The following NKD1 variants were observed in gnomAD, a reference collection of about 807,000 sequenced individuals.
NKD1 encodes NKD inhibitor of Wnt signaling pathway 1.
NKD1 carries 21 observed loss-of-function variants against 56.0 expected under a neutral mutation model. The observed-to-expected ratio is 0.38, with a 90% CI of 0.27 to 0.54. NKD1 has a LOEUF of 0.54. NKD1 is among the 20% of genes least tolerant of loss of function. The pLI is 0.82. For missense variants in NKD1, 578 were observed against 642.7 expected (o/e 0.90, Z 1.09); for synonymous variants, 263 against 265.7 (o/e 0.99, Z 0.10).
At chr16:50,600,054 C>A (rs1429187001) in intron 3 of NKD1, among the ~76,000 whole-genome samples, 1 of 152,092 alleles carries the variant, frequency 6.6e-6, no homozygotes, top group Non-Finnish European at 1.5e-5. Flanking sequence ...CCACCGTCTT[C>A]CTACTTATTG....
chr16:50,552,363 C>T (rs899797518), intron 3 of NKD1: 19 of 152,348 alleles, frequency 1.2e-4, no homozygotes, highest in African/African-American at 4.1e-4. Flanking sequence ...CCAGGGCATC[C>T]GCCTGGAGGG....
chr16:50,578,271 A>G (rs942630929), intron 3 of NKD1, among the ~76,000 whole-genome samples: 2 of 152,170 alleles, frequency 1.3e-5, no homozygotes, highest in African/African-American at 4.8e-5. Flanking sequence ...CTCATGTTCG[A>G]TTAGTGAGAA....
At chr16:50,572,879 C>T in intron 3 of NKD1, 1 of 984,880 alleles carries the variant, frequency 1.0e-6, no homozygotes, top group South Asian at 4.7e-5. Context: ...CCAACAGGAT[C>T]ATGAGGTCGG....
intron 6 of NKD1, among the ~76,000 whole-genome samples, chr16:50,628,087 G>A (rs1962263373): frequency 6.6e-6 from 1 of 152,146 alleles, no homozygotes; most frequent in Non-Finnish European, 1.5e-5. Context: ...GCTAGGGAGT[G>A]CCTGGAGCCT....
intron 3 of NKD1, among the ~76,000 whole-genome samples, chr16:50,587,910 G>A (rs867662357): frequency 6.6e-6 from 1 of 152,214 alleles, no homozygotes; most frequent in African/African-American, 2.4e-5. Context: ...TCTATCAAAT[G>A]CCTCATGATC....
rs1171391630 is a variant in NKD1, at chr16:50,598,913, T to C, written c.193-9381T>C. Among the ~76,000 whole-genome samples the C allele has an allele frequency of 7.0e-6, 1 of 143,778 alleles. No homozygotes were observed. The allele number at this position is 143,778 out of a possible 152,430, so 94.3% of individuals were successfully genotyped here. A position where few individuals can be genotyped will look rare whatever the true frequency, so the allele number is the denominator to read the frequency against. ...TGGTGTGGTGGGGTCAGTGGTGTGG[T>C]GGGCAGTGGTGGGGCAGGATCAGTG... On this transcript the variant is annotated intron_variant, in intron 3 of 9. Transcript: ENST00000268459. The surrounding 1 kb of genome is among the most constrained non-coding windows in gnomAD (Gnocchi z 4.2).
At chr16:50,601,661 AG>A (rs1157085870) in intron 3 of NKD1, among the ~76,000 whole-genome samples, 1 of 152,108 alleles carries the variant, frequency 6.6e-6, no homozygotes, top group Non-Finnish European at 1.5e-5. Flanking sequence ...CTCCCGAGGG[AG>A]GGGTCCCAGG....
In NKD1 at chr16:50,642,255, A is replaced by G. The variant is rs1962593497; in HGVS notation, c.*8474A>G. The G allele has an allele frequency of 6.6e-6, 1 of 152,202 alleles. No individual in the cohort carries two copies. The highest frequency in any genetic ancestry group is 1.5e-5 in the Non-Finnish European group (1 of 68,062). The allele number at this position is 152,202 out of a possible 1,614,324, so 9.4% of individuals were successfully genotyped here. On this transcript the variant is annotated 3_prime_UTR_variant, in exon 10 of 10. Coordinates refer to ENST00000268459, the MANE Select transcript of NKD1 (RefSeq NM_033119.5). The stretch of plus-strand genomic sequence containing the variant: ...GGCCAGGCTCTGTCTGTGGATTCCC[A>G]CTTCTCTGGGCTGCATCTCACTGTT...
intron 3 of NKD1, among the ~76,000 whole-genome samples, chr16:50,580,827 C>A (rs990746498): frequency 6.6e-6 from 1 of 152,188 alleles, no homozygotes; most frequent in East Asian, 1.9e-4. Context: ...TCCCCCAGAG[C>A]CCCTGCAGTG....
chr16:50,591,215 T>C (rs1034159293), intron 3 of NKD1, among the ~76,000 whole-genome samples: 2 of 152,182 alleles, frequency 1.3e-5, no homozygotes, highest in South Asian at 2.1e-4. Context: ...TGGTGTTCCA[T>C]GCAGGTAGAT....
At chr16:50,627,639 C>T (rs1268928465) in intron 6 of NKD1, among the ~76,000 whole-genome samples, 1 of 152,252 alleles carries the variant, frequency 6.6e-6, no homozygotes, top group East Asian at 1.9e-4. Flanking sequence ...ACGGCATCTG[C>T]AGCCCAGAGC....
In NKD1 at chr16:50,608,168, T is replaced by A. The variant is rs891488351; in HGVS notation, c.193-126T>A. 9.1e-5 allele frequency: 69 copies of A among 757,002 alleles called. No individual in the cohort carries two copies. In the African/African-American group the frequency reaches 9.9e-4, roughly 11 times the overall value. The allele number at this position is 757,002 out of a possible 1,614,324, so 46.9% of individuals were successfully genotyped here. On this transcript the variant is annotated intron_variant, in intron 3 of 9. Transcript: ENST00000268459. ...ACTTAACTTTTCAGGTGCAATAGGA[T>A]CTGCCTCAGTTGACCTGAATTCCAA... is the stretch of plus-strand genomic sequence containing the variant.
chr16:50,578,331 C>T (rs893461856), intron 3 of NKD1, among the ~76,000 whole-genome samples: 1 of 152,136 alleles, frequency 6.6e-6, no homozygotes, highest in African/African-American at 2.4e-5. Flanking sequence ...AAATGTAGTC[C>T]CATCTGGGCA....
intron 3 of NKD1, among the ~76,000 whole-genome samples, chr16:50,571,847 T>C (rs12444953): frequency 0.019 from 2,848 of 152,234 alleles, 139 homozygotes; most frequent in East Asian, 0.18. Context: ...TACTGCGGCT[T>C]CCCACAGTCC....
chr16:50,610,809 A>C (rs1227909013), intron 4 of NKD1, among the ~76,000 whole-genome samples: 1 of 152,142 alleles, frequency 6.6e-6, no homozygotes, highest in African/African-American at 2.4e-5. Flanking sequence ...GAGGGATGGG[A>C]GATTAAGGCT....
chr16:50,622,824 T>A (rs1267522873), intron 5 of NKD1, among the ~76,000 whole-genome samples: 1 of 150,372 alleles, frequency 6.7e-6, no homozygotes, highest in African/African-American at 2.4e-5. Flanking sequence ...GAGTGCACAG[T>A]GTGACCAGGG....
chr16:50,601,425 G>GAC (rs1207359851), intron 3 of NKD1, among the ~76,000 whole-genome samples: 1 of 152,250 alleles, frequency 6.6e-6, no homozygotes, highest in African/African-American at 2.4e-5. Context: ...TCACCGAACA[G>GAC]ACACTTTTTC....
At chr16:50,570,951 C>T (rs1567337079) in intron 3 of NKD1, 4 of 985,326 alleles carry the variant, frequency 4.1e-6, no homozygotes, top group Non-Finnish European at 4.8e-6. Flanking sequence ...AGGGAGGCTT[C>T]TGCACTGAGG....
In NKD1 at chr16:50,637,446, T is replaced by G. The variant is rs1363662657; in HGVS notation, c.*3665T>G. ...AGCTGGGCATGGTGGTGCGTGCCTG[T>G]AATCTCAGCTACTCGGGAGGCCAAG... On this transcript the variant is annotated 3_prime_UTR_variant, in exon 10 of 10. Transcript: ENST00000268459. 1 of 152,150 alleles carries G rather than the reference T, an allele frequency of 6.6e-6. No homozygotes were observed. Among genetic ancestry groups the G allele is most frequent in the Non-Finnish European group, 1.5e-5 (1 of 68,038 alleles). The allele number at this position is 152,150 out of a possible 1,614,324, so 9.4% of individuals were successfully genotyped here. A position where few individuals can be genotyped will look rare whatever the true frequency, so the allele number is the denominator to read the frequency against.
Sources: gnomAD v4.1 joint callset for allele counts (sites outside exome capture counted in the v4.1 genomes callset) on GRCh38, gnomAD v4.1.1 for gene constraint, Gnocchi (gnomAD v3.1) non-coding constraint, MANE v1.5 for transcripts, NCBI Gene and HGNC (gene_info 2026-07-23, HGNC 2026-07-21) for gene names.